The following PTGR1 variants were observed in gnomAD, a reference collection of about 807,000 sequenced individuals.
PTGR1 encodes prostaglandin reductase 1, also known as 15-oxoprostaglandin 13-reductase.
PTGR1 carries 23 observed loss-of-function variants against 37.7 expected under a neutral mutation model. That is an observed-to-expected ratio of 0.61 (90% CI 0.44 to 0.86). PTGR1 has a LOEUF of 0.86. Among genes scored for constraint, PTGR1 ranks in the 40% least tolerant of loss-of-function variants. The probability of loss-of-function intolerance (pLI) is 0.00; values close to 1 mark genes in which losing one functional copy is unlikely to be tolerated. For synonymous variants in PTGR1, 134 were observed against 140.0 expected, an observed-to-expected ratio of 0.96 and a Z score of 0.30; for missense variants, 351 against 394.3, an observed-to-expected ratio of 0.89 and a Z score of 0.93.
In PTGR1 at chr9:111,578,912, C is replaced by T; in HGVS notation, c.535G>A (p.Val179Ile). The T allele has an allele frequency of 1.2e-6, 2 of 1,611,872 alleles. No individual in the cohort carries two copies. Among genetic ancestry groups the T allele is most frequent in the Non-Finnish European group, 1.7e-6 (2 of 1,179,480 alleles). Residue 179 changes from valine (V) to isoleucine (I), a missense_variant, in exon 7 of 10, where the codon GTT (valine) becomes ATT (isoleucine). Physicochemically the swap from Val to Ile is conservative, Grantham distance 29 (BLOSUM62 3). Coordinates refer to ENST00000407693, the MANE Select transcript of PTGR1 (RefSeq NM_001146108.2). ...AATCCAAGCTTTTGAAGGTAGGCAA[C>T]CTTTTCATCAGACCCTACTGCTCCA... The part of the protein sequence containing the change: ...VVGAVGSDEK[V>I]AYLQKLGFDV...
chr9:111,564,336 C>CAGA, intron 9 of PTGR1: 3 of 577,968 alleles, frequency 5.2e-6, no homozygotes, highest in South Asian at 6.2e-5. Context: ...GACAGGGTCT[C>CAGA]ACTCTGTCAC....
Position 111,584,469 on chromosome 9 carries a change from G to T in PTGR1, c.378-880C>A, listed in dbSNP as rs138722448. On this transcript the variant is annotated intron_variant, in intron 5 of 9. Transcript: ENST00000407693. ...ATTAAGCATCCTCTACTTTCACAAT[G>T]ATGTCCTTGGCAGTGGCAATTTTGA... 9.2e-3 allele frequency among the ~76,000 whole-genome samples: 1,400 copies of T among 152,322 alleles called. 12 individuals carry two copies. Among genetic ancestry groups the T allele is most frequent in the East Asian group, 0.015 (80 of 5,180 alleles).
chr9:111,597,564 C>A (rs1829820684), intron 1 of PTGR1, 132 bp from the exon 2 acceptor site: 1 of 608,056 alleles, frequency 1.6e-6, no homozygotes, highest in Non-Finnish European at 2.9e-6. Context: ...TCATGCCAAC[C>A]ACATTCATTT....
At chr9:111,559,422 C>T (rs531416456), downstream of PTGR1, among the ~76,000 whole-genome samples, 72 of 152,104 alleles carry the variant, frequency 4.7e-4, no homozygotes, top group African/African-American at 1.5e-3. Context: ...CCCTGCTGCC[C>T]CTGCCCTACC....
chr9:111,593,453 G>A (rs891762561), intron 3 of PTGR1, among the ~76,000 whole-genome samples: 42 of 152,002 alleles, frequency 2.8e-4, no homozygotes, highest in Admixed American at 2.2e-3. Context: ...GTTATTTACC[G>A]AGGCAAAAAA....
chr9:111,594,329 C>T (rs1174153737), intron 2 of PTGR1, 62 bp from the exon 3 acceptor site: 1 of 1,414,814 alleles, frequency 7.1e-7, no homozygotes, highest in Non-Finnish European at 1.0e-6. Context: ...ACAATAGACA[C>T]TGAGCACCAC....
At position 111,562,859 on chromosome 9, in the gene PTGR1, T is replaced by G. The variant is rs1828372935; in HGVS notation, c.*262A>C. The G allele has an allele frequency of 9.9e-7, 1 of 1,009,696 alleles. No individual in the cohort carries two copies. The highest frequency in any genetic ancestry group is 2.9e-5 in the South Asian group (1 of 34,352). The allele number at this position is 1,009,696 out of a possible 1,614,324, so 62.5% of individuals were successfully genotyped here. ...TGAAAACATACAGTGTTTGGAAAAT[T>G]TTCACACTTCAAAGCCATTATTTTC... On this transcript the variant is annotated 3_prime_UTR_variant, in exon 10 of 10. Transcript: ENST00000407693.
Position 111,592,934 on chromosome 9 carries a change from T to G in PTGR1, c.201A>C (p.Gln67His). ...CAAATGGAAATAATTACTTGGCCAC[T>G]TGCTGCCCCATCATTGTATCACCTT... The part of the protein sequence containing the change: ...LKEGDTMMGQ[Q>H]VAKVVESKNV... The change falls in exon 4 of 10, where the codon CAA (glutamine) becomes CAC (histidine). Residue 67 changes from glutamine to histidine, a missense_variant. By Grantham distance (24) the Gln-to-His change is conservative. Transcript: ENST00000407693. 6.5e-7 allele frequency: 1 copy of G among 1,536,602 alleles called. No individual in the cohort carries two copies. The highest frequency in any genetic ancestry group is 8.7e-7 in the Non-Finnish European group (1 of 1,147,830).
downstream of PTGR1, among the ~76,000 whole-genome samples, chr9:111,562,047 A>G (rs769054798): frequency 7.2e-5 from 11 of 151,912 alleles, no homozygotes; most frequent in Non-Finnish European, 1.2e-4. Context: ...TACCATGCCC[A>G]GCTAATTTTT....
intron 4 of PTGR1, among the ~76,000 whole-genome samples, chr9:111,586,989 AT>A (rs1463640209): frequency 6.6e-6 from 1 of 151,926 alleles, no homozygotes; most frequent in Non-Finnish European, 1.5e-5. Context: ...TAATTTTTGT[AT>A]ATTTAGTAGG....
chr9:111,597,749 C>A (rs1829825856), intron 1 of PTGR1, among the ~76,000 whole-genome samples: 1 of 152,174 alleles, frequency 6.6e-6, no homozygotes, highest in African/African-American at 2.4e-5. Context: ...CAAAGAAATT[C>A]TTCCCAGCCA....
chr9:111,563,322 T>A, intron 9 of PTGR1, 91 bp from the exon 10 acceptor site: 3 of 1,278,134 alleles, frequency 2.3e-6, no homozygotes, highest in Non-Finnish European at 3.2e-6. Flanking sequence ...ATCAGGTACA[T>A]CATTGGAAAC....
chr9:111,576,581 A>G, intron 7 of PTGR1: 1 of 688,140 alleles, frequency 1.5e-6, no homozygotes, highest in Non-Finnish European at 2.3e-6. Flanking sequence ...GTTACTTAAC[A>G]CTTCTGAACC....
chr9:111,594,610 G>C (rs1417589130), intron 2 of PTGR1, among the ~76,000 whole-genome samples: 1 of 144,110 alleles, frequency 6.9e-6, no homozygotes, highest in East Asian at 2.0e-4. Context: ...GAGTGCAGTG[G>C]CGTGATCTTG....
chr9:111,561,148 G>GAA (rs1267075709), downstream of PTGR1, among the ~76,000 whole-genome samples: 426 of 34,822 alleles, frequency 0.012, 23 homozygotes, highest in East Asian at 0.025. Flanking sequence ...GGAGAGAGAG[G>GAA]GAGAGAGAGA....
intron 1 of PTGR1, among the ~76,000 whole-genome samples, chr9:111,597,892 C>T (rs777087292): frequency 5.9e-5 from 9 of 152,074 alleles, no homozygotes; most frequent in South Asian, 4.1e-4. Context: ...GATAGAAGTC[C>T]ATGCACCTCT....
chr9:111,592,839 T>C lies in PTGR1; in HGVS notation c.209+87A>G, dbSNP rs1033244239. 70 of 1,524,220 alleles carry C rather than the reference T, an allele frequency of 4.6e-5. No homozygotes were observed. In the African/African-American group the frequency reaches 8.1e-4, roughly 18 times the overall value. 94.4% of individuals were successfully genotyped at this position (1,524,220 alleles called of 1,614,324 possible). Reference sequence around the variant, plus strand: ...AGTCAACAACATAGGCTGAAGAAATTGTAGGAGCAATGGACAGAGACAGGA... The same window carrying C: ...AGTCAACAACATAGGCTGAAGAAATCGTAGGAGCAATGGACAGAGACAGGA... On this transcript the variant is annotated intron_variant, in intron 4 of 9. Transcript: ENST00000407693.
intron 9 of PTGR1, among the ~76,000 whole-genome samples, chr9:111,557,536 C>T (rs1828161626): frequency 6.6e-6 from 1 of 151,892 alleles, no homozygotes; most frequent in South Asian, 2.1e-4. Context: ...ACCTCCGCCT[C>T]CCGGGTTCAA....
intron 6 of PTGR1, 105 bp downstream of exon 6, chr9:111,583,367 C>A: frequency 1.1e-6 from 1 of 913,668 alleles, no homozygotes; most frequent in Non-Finnish European, 1.7e-6. Context: ...CTAAAGAAGA[C>A]AACTAGACTA....
Sources: gnomAD v4.1 joint callset for allele counts (sites outside exome capture counted in the v4.1 genomes callset) on GRCh38, gnomAD v4.1.1 for gene constraint, MANE v1.5 for transcripts, NCBI Gene and HGNC (gene_info 2026-07-23, HGNC 2026-07-21) for gene names.